KMT2C: variants seen among roughly 807,000 people sequenced by gnomAD.
KMT2C encodes histone-lysine N-methyltransferase 2C.
In KMT2C, 88 loss-of-function variants were observed where a neutral mutation model predicts 507.9. The observed-to-expected ratio is 0.17, with a 90% confidence interval of 0.15 to 0.21. KMT2C has a LOEUF of 0.21. Ranked by LOEUF, KMT2C falls within the 10% of genes least tolerant of loss-of-function variation. The probability of loss-of-function intolerance (pLI) is 1.00; values close to 1 mark genes in which losing one functional copy is unlikely to be tolerated. For synonymous variants in KMT2C, 2,049 were observed against 2,080.8 expected, an observed-to-expected ratio of 0.98 and a Z score of 0.42; for missense variants, 4,954 against 5,957.8, an observed-to-expected ratio of 0.83 and a Z score of 5.55.
At chr7:152,322,583 T>C (rs759631193) in intron 3 of KMT2C, among the ~76,000 whole-genome samples, 6 of 151,954 alleles carry the variant, frequency 3.9e-5, no homozygotes, top group Non-Finnish European at 5.9e-5. Flanking sequence ...AGTCTTATGT[T>C]TCGGATGTCA....
At chr7:152,301,210 A>G (rs968044143) in intron 6 of KMT2C, among the ~76,000 whole-genome samples, 10 of 151,754 alleles carry the variant, frequency 6.6e-5, no homozygotes, top group African/African-American at 1.2e-4. Context: ...AAAAAAAAAA[A>G]AAAAGAAAAG....
At chr7:152,222,115 G>C (rs2094791329) in intron 21 of KMT2C, 49 bp from the exon 22 acceptor site, 1 of 1,324,696 alleles carries the variant, frequency 7.5e-7, no homozygotes, top group Non-Finnish European at 1.1e-6. Context: ...AAAAGGTAAA[G>C]TGTATTTAAA....
intron 50 of KMT2C, 39 bp downstream of exon 50, chr7:152,151,403 G>A: frequency 6.2e-7 from 1 of 1,608,432 alleles, no homozygotes; most frequent in East Asian, 2.2e-5. Context: ...ATTTTCGCTG[G>A]AGGTAGGAGG....
intron 7 of KMT2C, among the ~76,000 whole-genome samples, chr7:152,266,052 T>G (rs2095853606): frequency 6.6e-6 from 1 of 152,114 alleles, no homozygotes; most frequent in Admixed American, 6.5e-5. Context: ...AGATAATGTA[T>G]AAAAAATATG....
At chr7:152,380,078 A>G (rs1300103993) in intron 1 of KMT2C, among the ~76,000 whole-genome samples, 1 of 152,292 alleles carries the variant, frequency 6.6e-6, no homozygotes, top group Non-Finnish European at 1.5e-5. Context: ...CTAAAATATA[A>G]AAACTTAGCC....
At chr7:152,232,937 C>T (rs747119643) in intron 16 of KMT2C, among the ~76,000 whole-genome samples, 1 of 152,070 alleles carries the variant, frequency 6.6e-6, no homozygotes, top group South Asian at 2.1e-4. Flanking sequence ...ACACATTATA[C>T]CCACTGAGCA....
chr7:152,425,699 A>G (rs1363239487), intron 1 of KMT2C, among the ~76,000 whole-genome samples: 2 of 152,194 alleles, frequency 1.3e-5, no homozygotes, highest in Non-Finnish European at 2.9e-5. Flanking sequence ...CTATGTGCTT[A>G]TTCCAAATGT....
chr7:152,230,472 T>C, intron 16 of KMT2C, 151 bp from the exon 17 acceptor site: 1 of 462,320 alleles, frequency 2.2e-6, no homozygotes, highest in South Asian at 4.6e-5. Context: ...GATACTACCG[T>C]AAAATGGAGT....
intron 1 of KMT2C, among the ~76,000 whole-genome samples, chr7:152,429,577 A>G (rs1028981840): frequency 2.0e-5 from 3 of 151,632 alleles, no homozygotes; most frequent in South Asian, 2.1e-4. Flanking sequence ...CTGGTGTGCA[A>G]TAGCATGATC....
chr7:152,339,159 T>C (rs1368680890), intron 2 of KMT2C, among the ~76,000 whole-genome samples: 1 of 152,232 alleles, frequency 6.6e-6, no homozygotes, highest in African/African-American at 2.4e-5. Flanking sequence ...TAGTATATTC[T>C]TTCAAAGCGT....
At chr7:152,214,678 A>G (rs2094530509) in intron 23 of KMT2C, among the ~76,000 whole-genome samples, 3 of 152,216 alleles carry the variant, frequency 2.0e-5, no homozygotes, top group South Asian at 2.1e-4. Flanking sequence ...AGGAAAGTAT[A>G]CTAAATAAAG....
chr7:152,329,506 C>A (rs2096860201), intron 3 of KMT2C, among the ~76,000 whole-genome samples: 1 of 151,484 alleles, frequency 6.6e-6, no homozygotes, highest in South Asian at 2.1e-4. Flanking sequence ...GGAGGTTGAG[C>A]CTGCAGTGAG....
chr7:152,198,520 T>C (rs574461787), intron 27 of KMT2C, among the ~76,000 whole-genome samples: 1 of 152,108 alleles, frequency 6.6e-6, no homozygotes, highest in African/African-American at 2.4e-5. Context: ...GACAGAACCA[T>C]AGGGGAGAAG....
chr7:152,367,909 T>G, intron 1 of KMT2C: 1 of 1,043,640 alleles, frequency 9.6e-7, no homozygotes, highest in Admixed American at 1.8e-5. Context: ...CATGAAAAAG[T>G]GATTATCATC....
chr7:152,344,267 T>C (rs1589320519), intron 2 of KMT2C, among the ~76,000 whole-genome samples: 2 of 152,088 alleles, frequency 1.3e-5, no homozygotes, highest in Admixed American at 1.3e-4. Context: ...TGAAACCAAA[T>C]AACAGCAAAC....
At chr7:152,307,199 A>AAGGAAAGAAG (rs2096623788) in intron 6 of KMT2C, among the ~76,000 whole-genome samples, 1 of 20,702 alleles carries the variant, frequency 4.8e-5, no homozygotes, top group Non-Finnish European at 1.1e-4. Flanking sequence ...AAGAGGGAGG[A>AAGGAAAGAAG]AGGAAGGAAG....
At chr7:152,218,936 C>A (rs2094673634) in intron 23 of KMT2C, among the ~76,000 whole-genome samples, 1 of 151,918 alleles carries the variant, frequency 6.6e-6, no homozygotes, top group Non-Finnish European at 1.5e-5. Flanking sequence ...GCTTTCTGTT[C>A]ATATGGACCC....
chr7:152,209,388 C>T (rs2094397740), intron 23 of KMT2C, among the ~76,000 whole-genome samples: 1 of 143,568 alleles, frequency 7.0e-6, no homozygotes, highest in Non-Finnish European at 1.5e-5. Flanking sequence ...ACCTGGGAGG[C>T]AGAGCTTGCA....
At position 152,144,351 on chromosome 7, in the gene KMT2C, T is replaced by C. The variant is rs1228660457; in HGVS notation, c.14343+362A>G. Reference sequence around the variant, plus strand: ...AAGATAAGGTAACTTCCAAAATTGGTGTACCTTTGGAAAATATTTTCATTT... The same window carrying C: ...AAGATAAGGTAACTTCCAAAATTGGCGTACCTTTGGAAAATATTTTCATTT... On this transcript the variant is annotated intron_variant, in intron 55 of 58. Coordinates refer to ENST00000262189, the MANE Select transcript of KMT2C (RefSeq NM_170606.3). This position sits in a 1 kb window ranked among gnomAD's most constrained non-coding sequence, Gnocchi z 4.4. Among the ~76,000 whole-genome samples, 1 of 152,186 alleles carries C rather than the reference T, an allele frequency of 6.6e-6. No homozygotes were observed. Among genetic ancestry groups the C allele is most frequent in the Admixed American group, 6.5e-5 (1 of 15,282 alleles).
Sources: gnomAD v4.1 joint callset for allele counts (sites outside exome capture counted in the v4.1 genomes callset) on GRCh38, gnomAD v4.1.1 for gene constraint, Gnocchi (gnomAD v3.1) non-coding constraint, MANE v1.5 for transcripts, NCBI Gene and HGNC (gene_info 2026-07-23, HGNC 2026-07-21) for gene names.